PCTP: variants seen among roughly 807,000 people sequenced by gnomAD.
PCTP encodes phosphatidylcholine transfer protein.
PCTP carries 27 observed loss-of-function variants against 31.0 expected under a neutral mutation model. That is an observed-to-expected ratio of 0.87 (90% CI 0.64 to 1.20). The LOEUF is 1.20. Among genes scored for constraint, PCTP ranks in the 50% most tolerant of loss-of-function variants. The pLI is 0.00. For synonymous variants in PCTP, 108 were observed against 101.2 expected, an observed-to-expected ratio of 1.07 and a Z score of -0.40; for missense variants, 287 against 268.2, an observed-to-expected ratio of 1.07 and a Z score of -0.49.
At chr17:55,763,502 AT>A (rs35165795) in intron 1 of PCTP, among the ~76,000 whole-genome samples, 17,621 of 151,968 alleles carry the variant, frequency 0.12, 1,170 homozygotes, top group African/African-American at 0.17. Context: ...TATTCTGGAA[AT>A]TTTTTTTCAT....
At chr17:55,817,756 A>G (rs2060974) in intron 3 of PCTP, among the ~76,000 whole-genome samples, 21,343 of 152,258 alleles carry the variant, frequency 0.14, 1,573 homozygotes, top group Middle Eastern at 0.19. Context: ...GAACAAGAAA[A>G]TGTCGCACCT....
At chr17:55,778,044 G>A (rs1264529266), downstream of PCTP, among the ~76,000 whole-genome samples, 1 of 152,108 alleles carries the variant, frequency 6.6e-6, no homozygotes, top group Non-Finnish European at 1.5e-5. Flanking sequence ...AGAATGCTGA[G>A]TTTCTAGGTA....
intron 5 of PCTP, among the ~76,000 whole-genome samples, chr17:55,833,921 A>G (rs566215452): frequency 1.3e-5 from 2 of 152,336 alleles, no homozygotes; most frequent in Non-Finnish European, 2.9e-5. Context: ...AGTGTGTACA[A>G]TCATATCAGA....
chr17:55,768,190 G>A (rs959002014), intron 2 of PCTP, among the ~76,000 whole-genome samples: 5 of 151,952 alleles, frequency 3.3e-5, no homozygotes, highest in Admixed American at 6.6e-5. Flanking sequence ...TGGCACAAAA[G>A]CATTTTAAAT....
chr17:55,800,245 C>T (rs1912329683), intron 3 of PCTP, among the ~76,000 whole-genome samples: 2 of 152,136 alleles, frequency 1.3e-5, no homozygotes, highest in South Asian at 2.1e-4. Flanking sequence ...CACATAGTCC[C>T]ATATTTCTCA....
chr17:55,838,813 G>A (rs553712527), intron 5 of PCTP, among the ~76,000 whole-genome samples: 19 of 152,192 alleles, frequency 1.2e-4, no homozygotes, highest in South Asian at 2.1e-4. Flanking sequence ...TGTACTTATC[G>A]GAGATTACAG....
chr17:55,840,098 G>C (rs1167003382), intron 5 of PCTP, among the ~76,000 whole-genome samples: 1 of 152,062 alleles, frequency 6.6e-6, no homozygotes, highest in East Asian at 1.9e-4. Context: ...TGCCCAAAGT[G>C]GTCATCCAGT....
intron 5 of PCTP, among the ~76,000 whole-genome samples, chr17:55,842,118 T>G (rs1413025816): frequency 1.3e-5 from 2 of 152,126 alleles, no homozygotes; most frequent in African/African-American, 4.8e-5. Flanking sequence ...CCTTGTGAAC[T>G]TTACATTTTT....
chr17:55,794,117 A>G (rs1019966674), intron 3 of PCTP, among the ~76,000 whole-genome samples: 2 of 151,950 alleles, frequency 1.3e-5, no homozygotes, highest in Non-Finnish European at 2.9e-5. Flanking sequence ...AACAAAACCA[A>G]CCTCCTTTTT....
intron 1 of PCTP, among the ~76,000 whole-genome samples, chr17:55,760,118 A>T (rs1169411430): frequency 6.6e-6 from 1 of 152,198 alleles, no homozygotes; most frequent in Non-Finnish European, 1.5e-5. Flanking sequence ...TTTCCTGGCC[A>T]TGCATTCCCC....
At chr17:55,839,347 A>G (rs2145090678) in intron 5 of PCTP, among the ~76,000 whole-genome samples, 1 of 152,272 alleles carries the variant, frequency 6.6e-6, no homozygotes, top group East Asian at 1.9e-4. Context: ...AATAGCAGGA[A>G]AGTCAAATGG....
At position 55,776,245 on chromosome 17, in the gene PCTP, T is replaced by C. The variant is rs2144975466; in HGVS notation, c.*145T>C. The C allele has an allele frequency of 3.2e-5, 46 of 1,455,534 alleles. 3 individuals carry two copies. In the South Asian group the frequency reaches 6.7e-4, roughly 21 times the overall value. The allele number at this position is 1,455,534 out of a possible 1,614,324, so 90.2% of individuals were successfully genotyped here. On this transcript the variant is annotated 3_prime_UTR_variant, in exon 6 of 6. Transcript: ENST00000268896. ...CACTGTTCAGCCTTCCCCTGCTGTT[T>C]CTGTCTTCAGAGGCCTACACACTAC...
downstream of PCTP, among the ~76,000 whole-genome samples, chr17:55,845,887 GGTGTGTGTGTGTGTGTGT>G (rs34179575): frequency 1.4e-5 from 2 of 142,962 alleles, no homozygotes; most frequent in African/African-American, 2.6e-5. Flanking sequence ...AGAGGGTTGG[GGTGTGTGTGTGTGTGTGT>G]GTGTGTGTGT....
At chr17:55,833,328 C>T (rs568771229) in intron 5 of PCTP, among the ~76,000 whole-genome samples, 43 of 152,270 alleles carry the variant, frequency 2.8e-4, no homozygotes, top group African/African-American at 1.0e-3. Context: ...AAGTAACCTC[C>T]AAAATTTATA....
At chr17:55,829,921 A>G (rs1905539777) in intron 5 of PCTP, among the ~76,000 whole-genome samples, 1 of 152,198 alleles carries the variant, frequency 6.6e-6, no homozygotes, top group Admixed American at 6.5e-5. Flanking sequence ...ATGAGATGTG[A>G]AATTGCTTTT....
downstream of PCTP, among the ~76,000 whole-genome samples, chr17:55,781,639 A>C (rs1320626847): frequency 6.6e-6 from 1 of 152,224 alleles, no homozygotes; most frequent in African/African-American, 2.4e-5. Context: ...AAACCCCAAC[A>C]ATATGTATGG....
intron 4 of PCTP, among the ~76,000 whole-genome samples, 173 bp from the exon 5 acceptor site, chr17:55,774,619 T>A (rs1008692129): frequency 1.3e-5 from 2 of 152,184 alleles, no homozygotes; most frequent in Non-Finnish European, 2.9e-5. Flanking sequence ...AAAGTGCCTA[T>A]ATTTAAGTAT....
Position 55,801,904 on chromosome 17 carries a change from C to A in PCTP, c.317+14250C>A, listed in dbSNP as rs1299378257. 2.0e-5 allele frequency among the ~76,000 whole-genome samples: 3 copies of A among 151,920 alleles called. No individual in the cohort carries two copies. In the East Asian group the frequency reaches 5.8e-4, roughly 29 times the overall value. ...GGAGATAGAGACATGAAAAACCCTT[C>A]AAAAAAATCAGTGAATCCAGGAGCT... On this transcript the variant is annotated intron_variant, in intron 3 of 3. Transcript: ENST00000572536.
downstream of PCTP, among the ~76,000 whole-genome samples, chr17:55,844,869 A>G (rs188273195): frequency 2.6e-4 from 39 of 151,882 alleles, no homozygotes; most frequent in Admixed American, 2.4e-3. Flanking sequence ...GCGGGTGATC[A>G]CCTCAGGTCA....
Sources: allele counts gnomAD v4.1 joint callset (sites outside exome capture counted in the v4.1 genomes callset), GRCh38; gene constraint gnomAD v4.1.1; transcripts MANE v1.5; gene names NCBI Gene and HGNC (gene_info 2026-07-23, HGNC 2026-07-21).